Variants in ASPG observed in about 807,000 individuals in gnomAD.
ASPG encodes asparaginase, also known as 60 kDa lysophospholipase.
A neutral mutation model predicts 63.2 loss-of-function variants in ASPG; 53 were observed. The ratio of observed to expected loss-of-function variants is 0.84; its 90% confidence interval spans 0.67 to 1.05. ASPG has a LOEUF of 1.05. ASPG is among the 50% of genes least tolerant of loss of function. The pLI is 0.00. For synonymous variants in ASPG, 370 were observed against 355.0 expected (o/e 1.04, Z -0.48); for missense variants, 741 against 794.4 (o/e 0.93, Z 0.81).
chr14:104,098,603 A>G (rs573784451), intron 5 of ASPG, among the ~76,000 whole-genome samples: 2 of 152,242 alleles, frequency 1.3e-5, no homozygotes, highest in Non-Finnish European at 2.9e-5. Flanking sequence ...AGCCACTTGC[A>G]CGCCCCAGGC....
intron 1 of ASPG, among the ~76,000 whole-genome samples, chr14:104,086,290 C>T (rs765018814): frequency 6.6e-6 from 1 of 152,130 alleles, no homozygotes; most frequent in Admixed American, 6.5e-5. Context: ...AGGGTGTCCC[C>T]GTCCCCTGGG....
chr14:104,095,731 C>T lies in ASPG; in HGVS notation c.429+75C>T, dbSNP rs2036568963. On this transcript the variant is annotated intron_variant, in intron 4 of 15. Coordinates refer to ENST00000551177, the MANE Select transcript of ASPG (RefSeq NM_001080464.3). ...CAGGGCAAGTCAGCGCTGTGGGCGG[C>T]CGCTGCGGGACCCCGGGCTTCCTGC... 3 of 1,580,588 alleles carry T rather than the reference C, an allele frequency of 1.9e-6. No homozygotes were observed. In the South Asian group the frequency reaches 3.3e-5, roughly 18 times the overall value.
At position 104,104,355 on chromosome 14, in the gene ASPG, G is replaced by C. The variant is rs764994445; in HGVS notation, c.805G>C (p.Gly269Arg). 2.5e-6 allele frequency: 4 copies of C among 1,612,472 alleles called. No individual in the cohort carries two copies. In the East Asian group the frequency reaches 6.7e-5, roughly 27 times the overall value. ...GAAGGGCGTGGTCATGGAGACCTTC[G>C]GTTCAGGGAACGGACCCACCAAGCC... ...PLKGVVMETF[G>R]SGNGPTKPDL... Residue 269 changes from glycine (G) to arginine (R), a missense_variant, in exon 8 of 16, where the codon GGT becomes CGT. Physicochemically the swap from Gly to Arg is moderately radical, Grantham distance 125. Coordinates refer to ENST00000551177, the MANE Select transcript of ASPG (RefSeq NM_001080464.3).
At chr14:104,099,318 T>C (rs892763788) in intron 6 of ASPG, among the ~76,000 whole-genome samples, 2 of 152,176 alleles carry the variant, frequency 1.3e-5, no homozygotes, top group Non-Finnish European at 2.9e-5. Context: ...CTGCCACACC[T>C]CTGTGTGCCG....
chr14:104,088,288 C>T (rs1170457765), intron 1 of ASPG, among the ~76,000 whole-genome samples: 4 of 152,168 alleles, frequency 2.6e-5, no homozygotes, highest in Admixed American at 6.5e-5. Context: ...GTGGGTGGAA[C>T]GCTGCACACC....
chr14:104,109,893 G>T lies in ASPG; in HGVS notation c.1520+578G>T. 5.3e-6 allele frequency: 5 copies of T among 951,942 alleles called. No homozygotes were observed. The highest frequency in any genetic ancestry group is 6.3e-6 in the Non-Finnish European group (5 of 799,492). The allele number at this position is 951,942 out of a possible 1,614,324, so 59.0% of individuals were successfully genotyped here. A position where few individuals can be genotyped will look rare whatever the true frequency, so the allele number is the denominator to read the frequency against. On this transcript the variant is annotated intron_variant, in intron 13 of 15. Coordinates refer to ENST00000551177, the MANE Select transcript of ASPG (RefSeq NM_001080464.3). The surrounding 1 kb of genome is among the most constrained non-coding windows in gnomAD (Gnocchi z 4.8). ...TGCTGCCGAGTGACCACCGAGGCAGGCTCAGGCCTTCTGACATCATGTTGT... is the reference window on the plus strand; with the variant it reads ...TGCTGCCGAGTGACCACCGAGGCAGTCTCAGGCCTTCTGACATCATGTTGT...
intron 6 of ASPG, among the ~76,000 whole-genome samples, chr14:104,100,889 A>C (rs1309588688): frequency 6.6e-6 from 1 of 152,154 alleles, no homozygotes; most frequent in South Asian, 2.1e-4. Flanking sequence ...CGGCTCCCCC[A>C]TGGGGCCTGA....
intron 15 of ASPG, 87 bp from the exon 16 acceptor site, chr14:104,112,437 C>T (rs1227340206): frequency 5.3e-5 from 43 of 816,760 alleles, no homozygotes; most frequent in Admixed American, 2.0e-4. Context: ...TGGGCTGTGC[C>T]GTACAGACGG....
chr14:104,103,741 C>A (rs1484910659), intron 7 of ASPG, 66 bp downstream of exon 7: 22 of 1,378,958 alleles, frequency 1.6e-5, no homozygotes, highest in Admixed American at 2.1e-5. Flanking sequence ...GCTCCCACGG[C>A]CCTCAGGCTC....
In ASPG at chr14:104,104,356, G is replaced by T. The variant is rs752510975; in HGVS notation, c.806G>T (p.Gly269Val). Residue 269 changes from glycine (G) to valine (V), a missense_variant, in exon 8 of 16, where the codon GGT (glycine) becomes GTT (valine). Gly to Val is a moderately radical substitution (Grantham distance 109, BLOSUM62 -3). Coordinates refer to ENST00000551177, the MANE Select transcript of ASPG (RefSeq NM_001080464.3). ...PLKGVVMETF[G>V]SGNGPTKPDL... is the part of the protein sequence containing the mutation. ...AAGGGCGTGGTCATGGAGACCTTCG[G>T]TTCAGGGAACGGACCCACCAAGCCC... 9.9e-6 allele frequency: 16 copies of T among 1,612,510 alleles called. No individual in the cohort carries two copies. The highest frequency in any genetic ancestry group is 1.4e-5 in the Non-Finnish European group (16 of 1,179,802).
Position 104,110,018 on chromosome 14 carries a change from C to A in ASPG, c.1520+703C>A. The A allele has an allele frequency of 2.0e-6, 2 of 985,376 alleles. No individual in the cohort carries two copies. The highest frequency in any genetic ancestry group is 2.4e-6 in the Non-Finnish European group (2 of 829,920). 61.0% of individuals were successfully genotyped at this position (985,376 alleles called of 1,614,324 possible). On this transcript the variant is annotated intron_variant, in intron 13 of 15. Transcript: ENST00000551177. The surrounding 1 kb of genome is among the most constrained non-coding windows in gnomAD (Gnocchi z 4.7). ...GGGATCCTCCTCTGTCCGCCACAGC[C>A]AGAATCGCTGCCCCCCACCCCATGC...
intron 9 of ASPG, 35 bp from the exon 10 acceptor site, chr14:104,105,293 T>G (rs1451543702): frequency 1.9e-6 from 3 of 1,612,518 alleles, no homozygotes; most frequent in Non-Finnish European, 1.7e-6. Flanking sequence ...CATCCAGCCC[T>G]GGCAGAGCCA....
Position 104,110,891 on chromosome 14 carries a change from G to T in ASPG, c.1521-611G>T. On this transcript the variant is annotated intron_variant, in intron 13 of 15. Coordinates refer to ENST00000551177, the MANE Select transcript of ASPG (RefSeq NM_001080464.3). The surrounding 1 kb of genome is among the most constrained non-coding windows in gnomAD (Gnocchi z 4.7). ...GGAGGAGCTGGTGAGGGCCTGGCAG[G>T]TGCTCCCCACTCCAGGGCAGGTGGG... is the stretch of plus-strand genomic sequence containing the variant. 3.0e-6 allele frequency: 3 copies of T among 985,388 alleles called. No individual in the cohort carries two copies. Among genetic ancestry groups the T allele is most frequent in the Non-Finnish European group, 3.6e-6 (3 of 829,904 alleles). 61.0% of individuals were successfully genotyped at this position (985,388 alleles called of 1,614,324 possible).
Position 104,096,885 on chromosome 14 carries a change from C to T in ASPG, c.430-669C>T, listed in dbSNP as rs140387869. 1.2e-3 allele frequency among the ~76,000 whole-genome samples: 182 copies of T among 152,326 alleles called. 2 individuals carry two copies. The Middle Eastern group carries it at 0.024, about 20-fold the overall frequency. The stretch of plus-strand genomic sequence containing the variant: ...AGCCTCTGACTGACCACTTCCCGGC[C>T]GCCTCCTCCTGAAAACCCTGGCCTC... On this transcript the variant is annotated intron_variant, in intron 4 of 15. Transcript: ENST00000551177.
At chr14:104,087,235 C>T (rs2036245786) in intron 1 of ASPG, among the ~76,000 whole-genome samples, 2 of 152,214 alleles carry the variant, frequency 1.3e-5, no homozygotes, top group African/African-American at 4.8e-5. Flanking sequence ...TCTCCTTCTG[C>T]CTGTGAATGG....
In ASPG at chr14:104,109,550, GTC is replaced by G. The variant is rs923801888; in HGVS notation, c.1520+239_1520+240del. Among the ~76,000 whole-genome samples, 1 of 152,014 alleles carries G rather than the reference GTC, an allele frequency of 6.6e-6. No individual in the cohort carries two copies. Among genetic ancestry groups the G allele is most frequent in the Non-Finnish European group, 1.5e-5 (1 of 68,016 alleles). On this transcript the variant is annotated intron_variant, in intron 13 of 15. Coordinates refer to ENST00000551177, the MANE Select transcript of ASPG (RefSeq NM_001080464.3). The surrounding 1 kb of genome is among the most constrained non-coding windows in gnomAD (Gnocchi z 4.8). ...GCTGAGCGAACAGTCCAGCAAGGGTGTCTCTGTGTGCACATGTGTGCATGTGT... is the reference window on the plus strand; with the variant it reads ...GCTGAGCGAACAGTCCAGCAAGGGTGTCTGTGTGCACATGTGTGCATGTGT...
At chr14:104,103,303 G>C (rs1043170197) in intron 6 of ASPG, among the ~76,000 whole-genome samples, 3 of 152,264 alleles carry the variant, frequency 2.0e-5, no homozygotes, top group Admixed American at 2.0e-4. Flanking sequence ...CCATTGCTCG[G>C]CCATCGGTCT....
chr14:104,102,172 C>T (rs2036906209), intron 6 of ASPG, among the ~76,000 whole-genome samples: 1 of 152,052 alleles, frequency 6.6e-6, no homozygotes, highest in Admixed American at 6.6e-5. Flanking sequence ...CCGGCTGAGA[C>T]ACACGCCCTC....
intron 10 of ASPG, among the ~76,000 whole-genome samples, chr14:104,106,563 C>T (rs924821136): frequency 5.3e-5 from 8 of 152,148 alleles, no homozygotes; most frequent in East Asian, 3.9e-4. Flanking sequence ...ATGGTGGTCT[C>T]GTGGCCTGGC....
Sources: allele counts gnomAD v4.1 joint callset (sites outside exome capture counted in the v4.1 genomes callset), GRCh38; gene constraint gnomAD v4.1.1; non-coding constraint Gnocchi (gnomAD v3.1); transcripts MANE v1.5; gene names NCBI Gene and HGNC (gene_info 2026-07-23, HGNC 2026-07-21).